MITD1: variants seen among roughly 807,000 people sequenced by gnomAD.
MITD1 encodes microtubule interacting and trafficking domain containing 1, also known as MIT domain-containing protein 1.
Under a neutral mutation model 34.9 loss-of-function variants are expected in MITD1, and 24 were observed. The observed-to-expected ratio is 0.69, with a 90% CI of 0.50 to 0.97. The LOEUF is 0.97. MITD1 is among the 50% of genes least tolerant of loss of function. The pLI is 0.00. For missense variants in MITD1, 266 were observed against 294.6 expected (o/e 0.90, Z 0.71); for synonymous variants, 102 against 101.4 (o/e 1.01, Z -0.04).
At chr2:99,172,870 G>A (rs1327328932) in intron 2 of MITD1, 3 of 148,784 alleles carry the variant, frequency 2.0e-5, no homozygotes, top group Non-Finnish European at 3.0e-5. Context: ...GCGACACAGC[G>A]AGACTCCGTC....
In MITD1 at chr2:99,171,410, A is replaced by C. The variant is rs140769397; in HGVS notation, c.410T>G (p.Phe137Cys). The C allele has an allele frequency of 6.3e-5, 101 of 1,612,260 alleles. No homozygotes were observed. The African/African-American group carries it at 1.1e-3, about 17-fold the overall frequency. ...HTHQLYNFLR[F>C]CEMLIKRPCK... ...TGGTCTCTTAATAAGCATCTCACAA[A>C]ATCGAAGAAAGTTATACAGCTAAAA... is the stretch of plus-strand genomic sequence containing the variant. The change falls in exon 4 of 7, where the codon TTT becomes TGT. Residue 137 changes from phenylalanine to cysteine, a missense_variant. Transcript: ENST00000289359.
chr2:99,180,914 A>T lies in MITD1; in HGVS notation c.68T>A (p.Val23Glu). ...TAAATVLKRAVELDSESRYPQ... is the reference protein window; with the variant it reads ...TAAATVLKRAEELDSESRYPQ... Reference sequence around the variant, plus strand: ...ATACCGCGACTCCGAATCTAGTTCTACTGCCCGCTTTAGCACAGTGGCTGC... The same window carrying T: ...ATACCGCGACTCCGAATCTAGTTCTTCTGCCCGCTTTAGCACAGTGGCTGC... The change falls in exon 1 of 7, where the codon GTA becomes GAA. Residue 23 changes from valine (V) to glutamate (E), a missense_variant. Transcript: ENST00000289359. 1 of 1,614,200 alleles carries T rather than the reference A, an allele frequency of 6.2e-7. No individual in the cohort carries two copies. The highest frequency in any genetic ancestry group is 8.5e-7 in the Non-Finnish European group (1 of 1,180,038).
At chr2:99,162,395 G>T (rs2093801682) in intron 7 of MITD1, 1 of 1,613,828 alleles carries the variant, frequency 6.2e-7, no homozygotes, top group African/African-American at 1.3e-5. Context: ...AGCTGGATGT[G>T]CAGGCTACCA....
chr2:99,169,522 C>T, intron 6 of MITD1, 28 bp downstream of exon 6: 2 of 1,601,236 alleles, frequency 1.2e-6, no homozygotes, highest in Non-Finnish European at 1.7e-6. Context: ...AACAGTGCTA[C>T]ACATTTACTC....
At position 99,180,942 on chromosome 2, in the gene MITD1, C is replaced by G; in HGVS notation, c.40G>C (p.Ala14Pro). Residue 14 changes from alanine to proline, a missense_variant, in exon 1 of 7, where the codon GCT becomes CCT. Coordinates refer to ENST00000289359, the MANE Select transcript of MITD1 (RefSeq NM_138798.3). ...GCCCGCTTTAGCACAGTGGCTGCAG[C>G]TGTGCTCTGCGGGTCCTGCCTCAGC... ...SGLRQDPQST[A>P]AATVLKRAVE... 6.2e-7 allele frequency: 1 copy of G among 1,614,138 alleles called. No homozygotes were observed.
downstream of MITD1, chr2:99,161,861 A>G (rs2093795452): frequency 4.4e-6 from 5 of 1,143,894 alleles, no homozygotes; most frequent in Middle Eastern, 2.9e-4. Context: ...GGATACTTTA[A>G]GTTTGGATTA....
chr2:99,175,131 C>A (rs1319996163), intron 1 of MITD1, among the ~76,000 whole-genome samples: 1 of 152,196 alleles, frequency 6.6e-6, no homozygotes, highest in Non-Finnish European at 1.5e-5. Flanking sequence ...CACCTAGATT[C>A]TCTTAATGTT....
intron 2 of MITD1, chr2:99,173,437 C>T (rs2093869205): frequency 2.1e-6 from 1 of 467,114 alleles, no homozygotes; most frequent in Admixed American, 2.4e-5. Flanking sequence ...ATTAGGAATG[C>T]TTAACTCCTG....
chr2:99,164,119 A>C (rs1378774393), intron 7 of MITD1, among the ~76,000 whole-genome samples: 2 of 152,154 alleles, frequency 1.3e-5, no homozygotes, highest in African/African-American at 4.8e-5. Flanking sequence ...TATAATTTTC[A>C]ACTTATGTAT....
In MITD1 at chr2:99,173,958, G is replaced by A; in HGVS notation, c.210C>T (p.Asp70=). The A allele has an allele frequency of 6.2e-7, 1 of 1,609,276 alleles. No individual in the cohort carries two copies. The highest frequency in any genetic ancestry group is 8.5e-7 in the Non-Finnish European group (1 of 1,176,640). The stretch of plus-strand genomic sequence containing the variant: ...AGTACTTCTTTATGTTTTCCGCTCT[G>A]TCCATGTATTTGGAAATTTTTTCTC... ...NLREKISKYM[D]RAENIKKYLD... Residue 70 remains aspartate (D), a synonymous_variant, in exon 2 of 7, where the codon GAC becomes GAT. Coordinates refer to ENST00000289359, the MANE Select transcript of MITD1 (RefSeq NM_138798.3).
intron 1 of MITD1, among the ~76,000 whole-genome samples, chr2:99,179,782 C>T (rs752857984): frequency 1.3e-5 from 2 of 151,988 alleles, no homozygotes; most frequent in African/African-American, 2.4e-5. Context: ...AGGATGGTCT[C>T]GATCTCTTGA....
At chr2:99,162,448 G>T (rs776902574) in intron 7 of MITD1, 42 of 1,613,844 alleles carry the variant, frequency 2.6e-5, no homozygotes, top group Non-Finnish European at 3.3e-5. Context: ...AAAATCTCAG[G>T]AACAGCTTCT....
intron 2 of MITD1, 170 bp downstream of exon 2, chr2:99,173,745 A>C (rs1000244744): frequency 3.1e-6 from 2 of 637,354 alleles, no homozygotes; most frequent in Non-Finnish European, 5.6e-6. Flanking sequence ...AACAAACAAA[A>C]AATTAAGAAC....
intron 2 of MITD1, 93 bp downstream of exon 2, chr2:99,173,822 C>A: frequency 1.3e-6 from 1 of 788,332 alleles, no homozygotes; most frequent in South Asian, 1.5e-5. Flanking sequence ...TGGTCCAGAC[C>A]ACACAGAGCT....
At chr2:99,163,215 TTCAG>T (rs2093811206) in intron 7 of MITD1, 1 of 520,658 alleles carries the variant, frequency 1.9e-6, no homozygotes, top group South Asian at 5.0e-5. Context: ...CCTAGTCTCT[TTCAG>T]TAACTTCTCC....
At chr2:99,170,779 T>G in intron 4 of MITD1, 127 bp from the exon 5 acceptor site, 1 of 484,262 alleles carries the variant, frequency 2.1e-6, no homozygotes, top group Non-Finnish European at 3.8e-6. Flanking sequence ...TCAATGTCTA[T>G]TATCTCAAAA....
Position 99,180,847 on chromosome 2 carries a change from G to A in MITD1, c.135C>T (p.Leu45=). 3.7e-6 allele frequency: 6 copies of A among 1,614,104 alleles called. No homozygotes were observed. Among genetic ancestry groups the A allele is most frequent in the African/African-American group, 1.3e-5 (1 of 75,046 alleles). ...LVCYQEGIDL[L]LQVLKGTKDN... ...ATTGCTCACCTTTCAGAACCTGCAG[G>A]AGCAGATCAATCCCCTCTTGGTAAC... The change falls in exon 1 of 7, where the codon CTC becomes CTT. Residue 45 remains leucine, a synonymous_variant. Transcript: ENST00000289359.
chr2:99,171,429 G>C lies in MITD1; in HGVS notation c.391C>G (p.Leu131Val). The C allele has an allele frequency of 6.2e-7, 1 of 1,608,566 alleles. No individual in the cohort carries two copies. Among genetic ancestry groups the C allele is most frequent in the African/African-American group, 1.3e-5 (1 of 74,954 alleles). The change falls in exon 4 of 7, where the codon CTG becomes GTG. Residue 131 changes from leucine (L) to valine (V), a missense_variant and splice_region_variant. Physicochemically the swap from Leu to Val is conservative, Grantham distance 32 (BLOSUM62 1). Coordinates refer to ENST00000289359, the MANE Select transcript of MITD1 (RefSeq NM_138798.3). ...TCACAAAATCGAAGAAAGTTATACA[G>C]CTAAAAGACATTAGAATGGATTATT... ...EDPYIRHTHQ[L>V]YNFLRFCEML...
At chr2:99,175,679 C>T (rs772121838) in intron 1 of MITD1, among the ~76,000 whole-genome samples, 1 of 152,172 alleles carries the variant, frequency 6.6e-6, no homozygotes, top group Non-Finnish European at 1.5e-5. Flanking sequence ...GTTGATGGTC[C>T]TTGCCTGCAA....
Sources: gnomAD v4.1 joint callset for allele counts (sites outside exome capture counted in the v4.1 genomes callset) on GRCh38, gnomAD v4.1.1 for gene constraint, MANE v1.5 for transcripts, NCBI Gene and HGNC (gene_info 2026-07-23, HGNC 2026-07-21) for gene names.